NDST4: variants seen among roughly 807,000 people sequenced by gnomAD.
The protein encoded by NDST4 is N-deacetylase and N-sulfotransferase 4.
NDST4 carries 63 observed loss-of-function variants against 100.8 expected under a neutral mutation model. That is an observed-to-expected ratio of 0.62 (90% CI 0.51 to 0.77). The LOEUF (loss-of-function observed/expected upper bound fraction) is 0.77. Among genes scored for constraint, NDST4 ranks in the 30% least tolerant of loss-of-function variants. NDST4 has a pLI of 0.00. For synonymous variants in NDST4, 377 were observed against 361.8 expected (o/e 1.04, Z -0.48); for missense variants, 943 against 1,018.4 (o/e 0.93, Z 1.01).
At chr4:115,044,139 A>G (rs1728411906) in intron 2 of NDST4, among the ~76,000 whole-genome samples, 1 of 152,154 alleles carries the variant, frequency 6.6e-6, no homozygotes, top group African/African-American at 2.4e-5. Flanking sequence ...ACTGAATTGA[A>G]GCTTTAATTT....
Position 114,983,540 on chromosome 4 carries a change from C to G in NDST4, c.979-6266G>C, listed in dbSNP as rs1726828835. On this transcript the variant is annotated intron_variant, in intron 2 of 13. Transcript: ENST00000264363. ...TTCTATTTGGAATGGGAGCATTTAC[C>G]AAATGCCTTTACCTGCATTGTATCT... 1.3e-5 allele frequency among the ~76,000 whole-genome samples: 2 copies of G among 152,184 alleles called. 1 individual carries two copies. The highest frequency in any genetic ancestry group is 4.1e-4 in the South Asian group (2 of 4,828).
chr4:115,065,978 G>A (rs1263557139), intron 2 of NDST4, among the ~76,000 whole-genome samples: 1 of 152,112 alleles, frequency 6.6e-6, no homozygotes, highest in Admixed American at 6.5e-5. Flanking sequence ...TCTGTCCAGT[G>A]ATCGCAGAAG....
intron 2 of NDST4, among the ~76,000 whole-genome samples, chr4:115,019,516 C>A (rs1229202281): frequency 6.6e-6 from 1 of 152,086 alleles, no homozygotes; most frequent in African/African-American, 2.4e-5. Context: ...AATGCCCTGG[C>A]AGCAGATTCT....
intron 7 of NDST4, among the ~76,000 whole-genome samples, chr4:114,858,870 G>A (rs1299247870): frequency 6.6e-6 from 1 of 152,166 alleles, no homozygotes; most frequent in Non-Finnish European, 1.5e-5. Context: ...CTCCTACCTG[G>A]TCACTTTGGA....
At chr4:114,964,467 A>G (rs540791570) in intron 4 of NDST4, among the ~76,000 whole-genome samples, 7 of 152,212 alleles carry the variant, frequency 4.6e-5, no homozygotes, top group Non-Finnish European at 8.8e-5. Context: ...AATATCTAAG[A>G]TATCTGAATG....
chr4:115,059,184 A>G (rs1728764983), intron 2 of NDST4, among the ~76,000 whole-genome samples: 1 of 152,072 alleles, frequency 6.6e-6, no homozygotes, highest in Non-Finnish European at 1.5e-5. Context: ...TTCTGATTGT[A>G]CCAACAAGAT....
chr4:114,892,365 C>T (rs956681721), intron 6 of NDST4, among the ~76,000 whole-genome samples: 5 of 152,068 alleles, frequency 3.3e-5, no homozygotes, highest in Non-Finnish European at 2.9e-5. Flanking sequence ...TTGATATATA[C>T]TGTGCATGCA....
chr4:114,873,515 T>C (rs943134502), intron 6 of NDST4, among the ~76,000 whole-genome samples: 2 of 152,012 alleles, frequency 1.3e-5, no homozygotes, highest in Non-Finnish European at 2.9e-5. Context: ...TCTACCTAGA[T>C]ACATTATATA....
chr4:114,890,209 G>C (rs1225428875), intron 6 of NDST4, among the ~76,000 whole-genome samples: 1 of 151,948 alleles, frequency 6.6e-6, no homozygotes, highest in Non-Finnish European at 1.5e-5. Context: ...AAAGTCTCTT[G>C]ACATCTTTTT....
intron 2 of NDST4, among the ~76,000 whole-genome samples, chr4:114,994,483 A>G (rs535526248): frequency 6.6e-6 from 1 of 152,044 alleles, no homozygotes; most frequent in South Asian, 2.1e-4. Context: ...GTGATCAATA[A>G]GTGTGTATGG....
chr4:114,969,065 T>C (rs1225534532), intron 4 of NDST4, among the ~76,000 whole-genome samples: 1 of 152,168 alleles, frequency 6.6e-6, no homozygotes, highest in Admixed American at 6.5e-5. Context: ...TCTTCCTTCA[T>C]TCTTGCAACA....
chr4:115,058,880 G>A (rs935600401), intron 2 of NDST4, among the ~76,000 whole-genome samples: 14 of 151,870 alleles, frequency 9.2e-5, no homozygotes, highest in Non-Finnish European at 1.9e-4. Context: ...ATCTTAGCAG[G>A]TAGTAAAACT....
intron 1 of NDST4, among the ~76,000 whole-genome samples, chr4:115,105,126 C>G (rs554766723): frequency 6.6e-6 from 1 of 152,110 alleles, no homozygotes; most frequent in African/African-American, 2.4e-5. Context: ...TTAACACCTG[C>G]CTTCCAATAT....
intron 2 of NDST4, among the ~76,000 whole-genome samples, chr4:115,072,406 C>T (rs112669985): frequency 6.6e-6 from 1 of 151,852 alleles, no homozygotes; most frequent in Non-Finnish European, 1.5e-5. Flanking sequence ...ATAACCAAAG[C>T]AATCTTGAGG....
chr4:114,883,974 C>T (rs1045976254), intron 6 of NDST4, among the ~76,000 whole-genome samples: 1 of 152,048 alleles, frequency 6.6e-6, no homozygotes, highest in African/African-American at 2.4e-5. Context: ...TTGGGGACCC[C>T]TGGTCTACAA....
At chr4:115,097,993 G>C (rs1412825234) in intron 1 of NDST4, among the ~76,000 whole-genome samples, 1 of 152,136 alleles carries the variant, frequency 6.6e-6, no homozygotes, top group East Asian at 1.9e-4. Context: ...CCTCAGTATA[G>C]TTGTTTCCGG....
intron 6 of NDST4, among the ~76,000 whole-genome samples, chr4:114,922,788 T>C (rs754250190): frequency 9.2e-5 from 14 of 152,234 alleles, no homozygotes; most frequent in Non-Finnish European, 2.1e-4. Context: ...GGTTATGGCA[T>C]AATTTTCATT....
chr4:114,986,788 TTATACATA>T (rs1269221646), intron 2 of NDST4, among the ~76,000 whole-genome samples: 9 of 65,982 alleles, frequency 1.4e-4, no homozygotes, highest in African/African-American at 6.5e-4. Flanking sequence ...TGGTATCCAA[TTATACATA>T]TATATATATA....
chr4:115,066,876 A>T (rs957530685), intron 2 of NDST4, among the ~76,000 whole-genome samples: 6 of 152,042 alleles, frequency 3.9e-5, no homozygotes, highest in African/African-American at 1.4e-4. Flanking sequence ...CTGAGCTCCT[A>T]ACTACCACAT....
Sources: gnomAD v4.1 joint callset for allele counts (sites outside exome capture counted in the v4.1 genomes callset) on GRCh38, gnomAD v4.1.1 for gene constraint, MANE v1.5 for transcripts, NCBI Gene and HGNC (gene_info 2026-07-23, HGNC 2026-07-21) for gene names.